AFF2: variants seen among roughly 807,000 people sequenced by gnomAD.
AFF2 encodes AF4/FMR2 family member 2.
Under a neutral mutation model 76.9 loss-of-function variants are expected in AFF2, and 14 were observed. The observed-to-expected ratio is 0.18, with a 90% CI of 0.12 to 0.28. The LOEUF (loss-of-function observed/expected upper bound fraction) is 0.28. Ranked by LOEUF, AFF2 falls within the 10% of genes least tolerant of loss-of-function variation. The pLI is 1.00. For missense variants in AFF2, 868 were observed against 1,001.1 expected, an observed-to-expected ratio of 0.87 and a Z score of 1.79; for synonymous variants, 398 against 366.7, an observed-to-expected ratio of 1.09 and a Z score of -0.98.
intron 7 of AFF2, among the ~76,000 whole-genome samples, chrX:148,871,363 C>T (rs782728557): frequency 6.3e-5 from 7 of 111,131 alleles, no homozygotes; most frequent in East Asian, 2.9e-4. Context: ...CCCGGCCTTG[C>T]GTAGACTCAG....
chrX:148,745,272 T>A (rs1557265998), intron 3 of AFF2, among the ~76,000 whole-genome samples: 1 of 111,780 alleles, frequency 8.9e-6, no homozygotes, highest in South Asian at 3.8e-4. Flanking sequence ...TCCTACAAGT[T>A]CTAAAATTGT....
At chrX:148,504,740 C>G (rs782467834) in intron 1 of AFF2, among the ~76,000 whole-genome samples, 1 of 112,607 alleles carries the variant, frequency 8.9e-6, no homozygotes, top group South Asian at 3.7e-4. Flanking sequence ...GGGGCAGTGC[C>G]GGAGAAGGGG....
chrX:148,759,024 C>T (rs1054621827), intron 3 of AFF2, among the ~76,000 whole-genome samples: 8 of 111,841 alleles, frequency 7.2e-5, no homozygotes, highest in Non-Finnish European at 1.3e-4. Flanking sequence ...TCCACCCACC[C>T]CAGCCTCCCA....
chrX:148,776,403 T>G (rs2124606320), intron 3 of AFF2, among the ~76,000 whole-genome samples: 1 of 112,096 alleles, frequency 8.9e-6, no homozygotes, highest in Non-Finnish European at 1.9e-5. Context: ...TCAAATGGTA[T>G]TTCTGGTTCT....
intron 1 of AFF2, among the ~76,000 whole-genome samples, chrX:148,573,829 A>G (rs1367867959): frequency 9.0e-6 from 1 of 111,536 alleles, no homozygotes; most frequent in African/African-American, 3.3e-5. Flanking sequence ...GGGGAGAAAG[A>G]AAAATCATGA....
chrX:148,891,230 C>G (rs184225227), intron 8 of AFF2, among the ~76,000 whole-genome samples: 2 of 111,378 alleles, frequency 1.8e-5, no homozygotes, highest in Non-Finnish European at 3.8e-5. Context: ...ATGTTATGTT[C>G]TCTGTATGCC....
At chrX:148,803,742 G>A (rs1241561868) in intron 3 of AFF2, among the ~76,000 whole-genome samples, 1 of 111,121 alleles carries the variant, frequency 9.0e-6, no homozygotes, top group African/African-American at 3.3e-5. Context: ...CTGATGATGG[G>A]CCTTTCTGCA....
intron 9 of AFF2, among the ~76,000 whole-genome samples, chrX:148,930,977 G>T (rs982498713): frequency 1.1e-4 from 12 of 111,822 alleles, no homozygotes; most frequent in Non-Finnish European, 1.9e-4. Context: ...ATGCAGCCGG[G>T]CACGGTGGCT....
At chrX:148,522,272 G>A (rs905913925) in intron 1 of AFF2, among the ~76,000 whole-genome samples, 3 of 112,510 alleles carry the variant, frequency 2.7e-5, no homozygotes, top group Admixed American at 9.4e-5. Context: ...TTAACTATGC[G>A]GGCTGTCCCA....
intron 1 of AFF2, among the ~76,000 whole-genome samples, chrX:148,535,328 T>G (rs2052772335): frequency 8.9e-6 from 1 of 112,304 alleles, no homozygotes; most frequent in Non-Finnish European, 1.9e-5. Context: ...TTTTTTGGTA[T>G]TAGTATGGCC....
intron 1 of AFF2, among the ~76,000 whole-genome samples, chrX:148,635,149 C>G (rs1183290432): frequency 5.4e-5 from 6 of 111,539 alleles, no homozygotes; most frequent in Admixed American, 1.9e-4. Flanking sequence ...TTAAGAATCT[C>G]TGGCTGGGGA....
intron 1 of AFF2, among the ~76,000 whole-genome samples, chrX:148,581,532 ATATACG>A (rs1468493397): frequency 1.1e-5 from 1 of 93,671 alleles, no homozygotes; most frequent in African/African-American, 4.4e-5. Context: ...GTACACACAT[ATATACG>A]TATACGTCTA....
chrX:148,807,801 G>A (rs1752511326), intron 3 of AFF2, among the ~76,000 whole-genome samples: 1 of 112,215 alleles, frequency 8.9e-6, no homozygotes, highest in South Asian at 3.7e-4. Context: ...AACTCTCTTG[G>A]AAAATACAGT....
intron 3 of AFF2, among the ~76,000 whole-genome samples, chrX:148,685,634 C>T (rs2054593035): frequency 9.0e-6 from 1 of 111,178 alleles, no homozygotes; most frequent in African/African-American, 3.3e-5. Flanking sequence ...AACAATGATT[C>T]TGGTGAAATA....
intron 9 of AFF2, among the ~76,000 whole-genome samples, chrX:148,911,240 GT>G: frequency 9.0e-6 from 1 of 110,776 alleles, no homozygotes; most frequent in East Asian, 2.8e-4. Context: ...CATCATTAGA[GT>G]TTAAAAAAGA....
chrX:148,911,607 C>A (rs1362644436), intron 9 of AFF2, among the ~76,000 whole-genome samples: 1 of 112,170 alleles, frequency 8.9e-6, no homozygotes, highest in East Asian at 2.8e-4. Flanking sequence ...TTTGTCTTAC[C>A]TAAGGATTCC....
At chrX:148,800,798 C>T (rs1013861808) in intron 3 of AFF2, among the ~76,000 whole-genome samples, 7 of 111,629 alleles carry the variant, frequency 6.3e-5, no homozygotes, top group Admixed American at 1.9e-4. Context: ...AAAAGATAAT[C>T]GTATTTTAAA....
intron 3 of AFF2, among the ~76,000 whole-genome samples, chrX:148,800,295 C>T (rs187020102): frequency 1.9e-3 from 216 of 111,410 alleles, no homozygotes; most frequent in Non-Finnish European, 3.4e-3. Flanking sequence ...GTCAATAAGG[C>T]GCCAAGTTCG....
intron 11 of AFF2, among the ~76,000 whole-genome samples, chrX:148,957,234 A>T (rs1569557673): frequency 9.0e-6 from 1 of 111,345 alleles, no homozygotes; most frequent in Non-Finnish European, 1.9e-5. Flanking sequence ...TTTTAGAGTG[A>T]TGTTATCTCA....
Sources: gnomAD v4.1 joint callset for allele counts (sites outside exome capture counted in the v4.1 genomes callset) on GRCh38, gnomAD v4.1.1 for gene constraint, MANE v1.5 for transcripts, NCBI Gene and HGNC (gene_info 2026-07-23, HGNC 2026-07-21) for gene names.